VPS45: variants seen among roughly 807,000 people sequenced by gnomAD.
The protein encoded by VPS45 is vacuolar protein sorting-associated protein 45.
A neutral mutation model predicts 75.9 loss-of-function variants in VPS45; 35 were observed. The observed-to-expected ratio is 0.46, with a 90% CI of 0.35 to 0.61. The LOEUF (loss-of-function observed/expected upper bound fraction) is 0.61, where lower values mean the gene tolerates loss of function less well. Ranked by LOEUF, VPS45 falls within the 20% of genes least tolerant of loss-of-function variation. The pLI is 0.00. For missense variants in VPS45, 559 were observed against 685.9 expected (o/e 0.81, Z 2.07); for synonymous variants, 220 against 238.2 (o/e 0.92, Z 0.70).
intron 14 of VPS45, among the ~76,000 whole-genome samples, chr1:150,117,461 G>A (rs1657999553): frequency 6.6e-6 from 1 of 151,894 alleles, no homozygotes; most frequent in South Asian, 2.1e-4. Context: ...GGCGGAGGTT[G>A]CAGTGAGCCG....
In VPS45 at chr1:150,110,542, GA is replaced by G; in HGVS notation, c.1541del (p.Glu514GlyfsTer3). 6.2e-7 allele frequency: 1 copy of G among 1,613,624 alleles called. No individual in the cohort carries two copies. On this transcript the variant is annotated frameshift_variant, in exon 14 of 15. Coordinates refer to ENST00000644510, the MANE Select transcript of VPS45 (RefSeq NM_007259.5). LOFTEE classifies it high-confidence loss of function. ...VFVIGGATYE[E>X]ALTVYNLNRT... ...TGTAATTGGAGGAGCCACCTATGAAGAGGCTCTAACAGTTTATAACCTGAAC... is the reference window on the plus strand; with the variant it reads ...TGTAATTGGAGGAGCCACCTATGAAGGGCTCTAACAGTTTATAACCTGAAC...
At chr1:150,099,971 G>C (rs1234211103) in intron 13 of VPS45, among the ~76,000 whole-genome samples, 1 of 152,120 alleles carries the variant, frequency 6.6e-6, no homozygotes, top group Non-Finnish European at 1.5e-5. Context: ...ATTCAACAGA[G>C]TATTGGAAGT....
At chr1:150,127,961 G>T (rs587631868) in intron 14 of VPS45, among the ~76,000 whole-genome samples, 1 of 152,196 alleles carries the variant, frequency 6.6e-6, no homozygotes, top group South Asian at 2.1e-4. Flanking sequence ...ATCATTCAAT[G>T]ATGATTAAAA....
At chr1:150,117,880 A>G (rs1356804994) in intron 14 of VPS45, among the ~76,000 whole-genome samples, 2 of 151,388 alleles carry the variant, frequency 1.3e-5, no homozygotes, top group African/African-American at 4.9e-5. Flanking sequence ...TATAAGTTGG[A>G]TTTAGATAGA....
intron 10 of VPS45, among the ~76,000 whole-genome samples, chr1:150,088,774 C>T (rs782009383): frequency 5.9e-5 from 9 of 152,006 alleles, no homozygotes; most frequent in Admixed American, 1.3e-4. Flanking sequence ...CCACCGTGCC[C>T]GACCTAAATA....
chr1:150,119,368 T>A (rs1392855033), intron 14 of VPS45, among the ~76,000 whole-genome samples: 1 of 152,162 alleles, frequency 6.6e-6, no homozygotes, highest in Non-Finnish European at 1.5e-5. Context: ...ATTGAATAAT[T>A]TGTTTCTGTG....
chr1:150,114,866 G>A (rs1459799993), intron 14 of VPS45, among the ~76,000 whole-genome samples: 3 of 147,882 alleles, frequency 2.0e-5, no homozygotes, highest in African/African-American at 7.5e-5. Flanking sequence ...CCGTGATCAT[G>A]TCACCACCCC....
chr1:150,121,695 C>T (rs1420287143), intron 14 of VPS45, among the ~76,000 whole-genome samples: 1 of 152,034 alleles, frequency 6.6e-6, no homozygotes, highest in African/African-American at 2.4e-5. Context: ...GTCAGGAGTT[C>T]TAGTTATGAG....
chr1:150,136,713 T>C lies in VPS45; in HGVS notation c.1626-7996T>C, dbSNP rs969976568. 1.4e-4 allele frequency among the ~76,000 whole-genome samples: 19 copies of C among 135,052 alleles called. No individual in the cohort carries two copies. The East Asian group carries it at 4.0e-3, about 29-fold the overall frequency. 88.6% of individuals were successfully genotyped at this position (135,052 alleles called of 152,430 possible). A position where few individuals can be genotyped will look rare whatever the true frequency, so the allele number is the denominator to read the frequency against. Reference sequence around the variant, plus strand: ...CCATAAAGGATAAGTAGGATTTCCATAGGAAGAAAGAGCAGTCAAGGCTGA... The same window carrying C: ...CCATAAAGGATAAGTAGGATTTCCACAGGAAGAAAGAGCAGTCAAGGCTGA... On this transcript the variant is annotated intron_variant, in intron 14 of 14. Transcript: ENST00000644510.
Position 150,144,924 on chromosome 1 carries a change from CACGGATACG to C in VPS45, c.*129_*137del. On this transcript the variant is annotated 3_prime_UTR_variant, in exon 15 of 15. Transcript: ENST00000644510. ...TGTTAGAACTCATCTCCAGGTAGCC[CACGGATACG>C]TGGTTGGCACAGACACAAGACTCCC... is the stretch of plus-strand genomic sequence containing the variant. 1 of 1,547,838 alleles carries C rather than the reference CACGGATACG, an allele frequency of 6.5e-7. No homozygotes were observed. Among genetic ancestry groups the C allele is most frequent in the Non-Finnish European group, 8.7e-7 (1 of 1,151,060 alleles).
At position 150,110,957 on chromosome 1, in the gene VPS45, G is replaced by GT. The variant is rs1183331542; in HGVS notation, c.1625+338dup. 2.0e-5 allele frequency among the ~76,000 whole-genome samples: 3 copies of GT among 152,016 alleles called. No individual in the cohort carries two copies. The East Asian group carries it at 5.8e-4, about 29-fold the overall frequency. On this transcript the variant is annotated intron_variant, in intron 14 of 14. Transcript: ENST00000644510. The stretch of plus-strand genomic sequence containing the variant: ...GGAAGGGGGAAAAATTAAAAATTGG[G>GT]TTTTTTTTAAAGAGGGAGAAACCTA...
rs1553796319 is a variant in VPS45 at position 150,068,644 on chromosome 1, T to C, written c.108T>C (p.Ser36=). The change falls in exon 2 of 15, where the codon AGT becomes AGC. Residue 36 remains serine, a synonymous_variant. Transcript: ENST00000644510. ...TGTTTTTACAGACTGGCATAGTGAGTATGGTATACACACAATCGGAGATTC... is the reference window on the plus strand; with the variant it reads ...TGTTTTTACAGACTGGCATAGTGAGCATGGTATACACACAATCGGAGATTC... ...LMDKETTGIV[S]MVYTQSEILQ... 1 of 1,593,242 alleles carries C rather than the reference T, an allele frequency of 6.3e-7. No individual in the cohort carries two copies. The highest frequency in any genetic ancestry group is 1.1e-5 in the South Asian group (1 of 88,000).
chr1:150,117,196 G>A (rs188370644), intron 14 of VPS45, among the ~76,000 whole-genome samples: 34 of 146,234 alleles, frequency 2.3e-4, no homozygotes, highest in South Asian at 6.6e-4. Flanking sequence ...GGGCGACTCC[G>A]TCTCAAAAAA....
At chr1:150,142,477 C>G (rs1261920894) in intron 14 of VPS45, among the ~76,000 whole-genome samples, 1 of 152,214 alleles carries the variant, frequency 6.6e-6, no homozygotes, top group African/African-American at 2.4e-5. Flanking sequence ...TCCTTTCCCT[C>G]TACTTTGCAA....
chr1:150,076,319 A>T lies in VPS45; in HGVS notation c.369+7A>T. On this transcript the variant is annotated splice_region_variant and intron_variant, in intron 4 of 14. Transcript: ENST00000644510. The stretch of plus-strand genomic sequence containing the variant: ...AGTTGTGGCTGAGGTTCAGGTAAAC[A>T]TATTGGTCCTGTAACACATCTCGTA... The T allele has an allele frequency of 6.3e-7, 1 of 1,599,836 alleles. No homozygotes were observed. Among genetic ancestry groups the T allele is most frequent in the Non-Finnish European group, 8.5e-7 (1 of 1,171,690 alleles).
chr1:150,093,196 C>CT (rs1656440209), intron 12 of VPS45, among the ~76,000 whole-genome samples: 1 of 152,076 alleles, frequency 6.6e-6, no homozygotes, highest in East Asian at 1.9e-4. Flanking sequence ...TATTTTCAGT[C>CT]TTTTTTATAC....
chr1:150,078,210 A>G (rs1553798564), intron 7 of VPS45, among the ~76,000 whole-genome samples: 1 of 152,184 alleles, frequency 6.6e-6, no homozygotes, highest in African/African-American at 2.4e-5. Flanking sequence ...GCACAGCTCT[A>G]TCTTATTACT....
chr1:150,121,200 G>A (rs1658214986), intron 14 of VPS45, among the ~76,000 whole-genome samples: 1 of 152,056 alleles, frequency 6.6e-6, no homozygotes, highest in Non-Finnish European at 1.5e-5. Flanking sequence ...AATAAAGAGA[G>A]GCAGTCAATA....
At position 150,138,961 on chromosome 1, in the gene VPS45, A is replaced by G. The variant is rs1338267175; in HGVS notation, c.1626-5748A>G. The stretch of plus-strand genomic sequence containing the variant: ...TTATCTCACACCTACATCCTGACTT[A>G]TCAATAAGTCCTGAGAGCTTTACCT... On this transcript the variant is annotated intron_variant, in intron 14 of 14. Coordinates refer to ENST00000644510, the MANE Select transcript of VPS45 (RefSeq NM_007259.5). Among the ~76,000 whole-genome samples the G allele has an allele frequency of 3.3e-5, 5 of 152,116 alleles. No homozygotes were observed. In the East Asian group the frequency reaches 7.8e-4, roughly 24 times the overall value.
Sources: allele counts gnomAD v4.1 joint callset (sites outside exome capture counted in the v4.1 genomes callset), GRCh38; gene constraint gnomAD v4.1.1; transcripts MANE v1.5; gene names NCBI Gene and HGNC (gene_info 2026-07-23, HGNC 2026-07-21).